Variants in JMJD1C observed in about 807,000 individuals in gnomAD.
JMJD1C encodes the protein jumonji domain containing 1C.
Under a neutral mutation model 245.3 loss-of-function variants are expected in JMJD1C, and 31 were observed. That is an observed-to-expected ratio of 0.13 (90% CI 0.09 to 0.17). The LOEUF (loss-of-function observed/expected upper bound fraction) is 0.17. Among genes scored for constraint, JMJD1C ranks in the 10% least tolerant of loss-of-function variants. The probability of loss-of-function intolerance (pLI) is 1.00; values close to 1 mark genes in which losing one functional copy is unlikely to be tolerated. For synonymous variants in JMJD1C, 1,057 were observed against 1,017.4 expected (o/e 1.04, Z -0.74); for missense variants, 2,691 against 3,000.2 (o/e 0.90, Z 2.41).
intron 1 of JMJD1C, among the ~76,000 whole-genome samples, chr10:63,430,611 C>G (rs1296904326): frequency 6.6e-6 from 1 of 152,182 alleles, no homozygotes; most frequent in Non-Finnish European, 1.5e-5. Context: ...ACACAAGTGA[C>G]TGCTAACGGA....
At chr10:63,440,340 G>GA (rs199670163) in intron 1 of JMJD1C, among the ~76,000 whole-genome samples, 124 of 89,764 alleles carry the variant, frequency 1.4e-3, no homozygotes, top group Middle Eastern at 5.4e-3. Context: ...TGTCTCAAAA[G>GA]AAAAAAAAAA....
At chr10:63,189,892 ATT>A (rs144520897) in intron 17 of JMJD1C, among the ~76,000 whole-genome samples, 11 of 136,558 alleles carry the variant, frequency 8.1e-5, no homozygotes, top group Non-Finnish European at 4.8e-5. Flanking sequence ...ATATATACAC[ATT>A]TTTTTTTTTT....
chr10:63,505,254 T>C (rs1254287998), intron 1 of JMJD1C, among the ~76,000 whole-genome samples: 6 of 150,810 alleles, frequency 4.0e-5, no homozygotes, highest in Non-Finnish European at 7.4e-5. Flanking sequence ...GAGGCGGAGC[T>C]TGAAGTGAGC....
chr10:63,301,928 C>T (rs912142746), intron 2 of JMJD1C: 3 of 285,446 alleles, frequency 1.1e-5, no homozygotes, highest in Non-Finnish European at 2.1e-5. Context: ...GAAACCAATC[C>T]ATTTCCTATG....
At chr10:63,205,109 C>T in intron 10 of JMJD1C, 1 of 751,382 alleles carries the variant, frequency 1.3e-6, no homozygotes, top group Middle Eastern at 6.9e-4. Flanking sequence ...GTGAATATTA[C>T]TGTTAAGTAT....
intron 3 of JMJD1C, among the ~76,000 whole-genome samples, chr10:63,226,589 C>T (rs1849305012): frequency 6.6e-6 from 1 of 151,442 alleles, no homozygotes; most frequent in African/African-American, 2.4e-5. Flanking sequence ...GGGGTGCGCA[C>T]CTGTAGTCCC....
chr10:63,343,320 C>T (rs553085147), intron 2 of JMJD1C, among the ~76,000 whole-genome samples: 2 of 149,706 alleles, frequency 1.3e-5, no homozygotes, highest in South Asian at 4.2e-4. Flanking sequence ...GAGCCAAGAT[C>T]ATACCATTAC....
intron 24 of JMJD1C, among the ~76,000 whole-genome samples, chr10:63,175,960 A>AT (rs1362523164): frequency 6.6e-6 from 1 of 152,202 alleles, no homozygotes; most frequent in African/African-American, 2.4e-5. Flanking sequence ...TTAAAGCCTG[A>AT]TAAAAAGTCT....
intron 1 of JMJD1C, among the ~76,000 whole-genome samples, chr10:63,484,590 C>CCAAAAAA: frequency 6.6e-6 from 1 of 151,652 alleles, no homozygotes; most frequent in South Asian, 2.1e-4. Context: ...AACATAAGAT[C>CCAAAAAA]TTGATGATCA....
chr10:63,219,443 C>G (rs1331348402), intron 4 of JMJD1C, among the ~76,000 whole-genome samples: 1 of 152,084 alleles, frequency 6.6e-6, no homozygotes, highest in Non-Finnish European at 1.5e-5. Flanking sequence ...TTGTAACATA[C>G]TAAACAAAGG....
chr10:63,318,191 C>CT (rs1940340587), intron 2 of JMJD1C, among the ~76,000 whole-genome samples: 1 of 151,974 alleles, frequency 6.6e-6, no homozygotes, highest in Non-Finnish European at 1.5e-5. Flanking sequence ...TAATTTTTAA[C>CT]TTTTTTGTAG....
At chr10:63,465,236 C>T (rs1341472761) in intron 1 of JMJD1C, 1 of 414,602 alleles carries the variant, frequency 2.4e-6, no homozygotes, top group Non-Finnish European at 4.3e-6. Flanking sequence ...CGCGGTCGAC[C>T]CCTCCGGGAT....
intron 1 of JMJD1C, among the ~76,000 whole-genome samples, chr10:63,387,989 G>C (rs1290279102): frequency 6.6e-6 from 1 of 151,890 alleles, no homozygotes; most frequent in Non-Finnish European, 1.5e-5. Context: ...ATCACATATA[G>C]GACATCATAA....
At chr10:63,431,948 G>T (rs1004620432) in intron 1 of JMJD1C, among the ~76,000 whole-genome samples, 4 of 152,190 alleles carry the variant, frequency 2.6e-5, no homozygotes, top group African/African-American at 7.2e-5. Context: ...GGGGACAGGG[G>T]TTGCGGTGAG....
At chr10:63,184,944 G>A (rs559335893) in intron 20 of JMJD1C, among the ~76,000 whole-genome samples, 1 of 152,068 alleles carries the variant, frequency 6.6e-6, no homozygotes, top group South Asian at 2.1e-4. Flanking sequence ...TAGAAGGGAG[G>A]TCCTAAACAG....
chr10:63,493,119 C>G (rs1332873164), intron 1 of JMJD1C, among the ~76,000 whole-genome samples: 2 of 151,940 alleles, frequency 1.3e-5, no homozygotes, highest in African/African-American at 2.4e-5. Flanking sequence ...GTAATTCAAG[C>G]AAAATCACTG....
At chr10:63,174,364 A>T (rs1390172619) in intron 24 of JMJD1C, among the ~76,000 whole-genome samples, 1 of 152,254 alleles carries the variant, frequency 6.6e-6, no homozygotes, top group Non-Finnish European at 1.5e-5. Context: ...ATAAAAAAAG[A>T]ATCAACTGAT....
intron 2 of JMJD1C, among the ~76,000 whole-genome samples, chr10:63,312,456 A>G (rs1939353807): frequency 1.3e-5 from 2 of 152,194 alleles, no homozygotes; most frequent in Non-Finnish European, 1.5e-5. Context: ...TAAATATTAC[A>G]TGTATCTGTG....
intron 2 of JMJD1C, among the ~76,000 whole-genome samples, chr10:63,270,490 A>T (rs1199400124): frequency 1.3e-5 from 2 of 150,860 alleles, no homozygotes; most frequent in Non-Finnish European, 3.0e-5. Flanking sequence ...TTTTTGAGAC[A>T]GGATTTTGCT....
Sources: gnomAD v4.1 joint callset for allele counts (sites outside exome capture counted in the v4.1 genomes callset) on GRCh38, gnomAD v4.1.1 for gene constraint, MANE v1.5 for transcripts, NCBI Gene and HGNC (gene_info 2026-07-23, HGNC 2026-07-21) for gene names.